Variants in ISM1 observed in about 807,000 individuals in gnomAD.
ISM1 encodes isthmin-1.
ISM1 carries 25 observed loss-of-function variants against 46.3 expected under a neutral mutation model. The observed-to-expected ratio is 0.54, with a 90% CI of 0.39 to 0.75. The LOEUF (loss-of-function observed/expected upper bound fraction) is 0.75. ISM1 is among the 30% of genes least tolerant of loss of function. ISM1 has a pLI of 0.00. For missense variants in ISM1, 536 were observed against 625.4 expected, an observed-to-expected ratio of 0.86 and a Z score of 1.52; for synonymous variants, 255 against 256.7, an observed-to-expected ratio of 0.99 and a Z score of 0.06.
chr20:13,310,741 A>G, the ISM1 span, among the ~76,000 whole-genome samples: 1 of 152,252 alleles, frequency 6.6e-6, no homozygotes. Flanking sequence ...AACTTGATTA[A>G]AAAGTGAGCA....
At chr20:13,295,754 C>T (rs1476500981) in intron 5 of ISM1, among the ~76,000 whole-genome samples, 1 of 152,222 alleles carries the variant, frequency 6.6e-6, no homozygotes, top group Non-Finnish European at 1.5e-5. Context: ...GGAATCCCAG[C>T]AAAAGTTGCC....
intron 1 of ISM1, among the ~76,000 whole-genome samples, chr20:13,229,159 T>C (rs6041965): frequency 0.16 from 23,532 of 151,524 alleles, 2,116 homozygotes; most frequent in East Asian, 0.41. Context: ...TCTTTCTGCA[T>C]TTTTTAAAGT....
At chr20:13,303,429 AG>A (rs2040475030), downstream of ISM1, among the ~76,000 whole-genome samples, 1 of 152,248 alleles carries the variant, frequency 6.6e-6, no homozygotes, top group African/African-American at 2.4e-5. Flanking sequence ...TCTAAAAGAT[AG>A]CCTGATCCAT....
intron 5 of ISM1, among the ~76,000 whole-genome samples, chr20:13,294,283 C>T (rs978158307): frequency 1.3e-5 from 2 of 152,154 alleles, no homozygotes; most frequent in Non-Finnish European, 2.9e-5. Context: ...TTCAGTGTCG[C>T]TAGGGCCTCT....
At chr20:13,286,970 C>A (rs1028707107) in intron 3 of ISM1, among the ~76,000 whole-genome samples, 1 of 152,226 alleles carries the variant, frequency 6.6e-6, no homozygotes, top group Non-Finnish European at 1.5e-5. Flanking sequence ...TGTCACAGAG[C>A]AGAGGTACTG....
the ISM1 span, among the ~76,000 whole-genome samples, chr20:13,311,262 TA>T: frequency 1.1e-4 from 14 of 122,820 alleles, no homozygotes; most frequent in African/African-American, 3.9e-4. Context: ...GATAGATAGA[TA>T]GATAGATAGA....
intron 1 of ISM1, among the ~76,000 whole-genome samples, chr20:13,233,455 C>T (rs959752119): frequency 6.6e-6 from 1 of 151,888 alleles, no homozygotes; most frequent in African/African-American, 2.4e-5. Context: ...ATTAGCCGGG[C>T]GTGGTGGTGC....
At chr20:13,291,039 T>C (rs1000750058) in intron 4 of ISM1, among the ~76,000 whole-genome samples, 3 of 152,220 alleles carry the variant, frequency 2.0e-5, no homozygotes, top group African/African-American at 4.8e-5. Context: ...AAGTCAAGGT[T>C]TGGGGGCTTT....
intron 2 of ISM1, among the ~76,000 whole-genome samples, chr20:13,278,631 C>T (rs1229619352): frequency 6.6e-6 from 1 of 152,188 alleles, no homozygotes; most frequent in African/African-American, 2.4e-5. Flanking sequence ...CTCTGTGCAC[C>T]AGTTTTCCTT....
rs1344669060 is a variant in ISM1 at position 13,299,522 on chromosome 20, C to A, written c.*63C>A. On this transcript the variant is annotated 3_prime_UTR_variant, in exon 6 of 6. Coordinates refer to ENST00000262487, the MANE Select transcript of ISM1 (RefSeq NM_080826.2). This position sits in a 1 kb window ranked among gnomAD's most constrained non-coding sequence, Gnocchi z 5.8. Reference sequence around the variant, plus strand: ...CTGGAGCACACACGTGCTGCACTGACGTGCCGACTGGCGCCGAGACCTTCA... The same window carrying A: ...CTGGAGCACACACGTGCTGCACTGAAGTGCCGACTGGCGCCGAGACCTTCA... 6.8e-7 allele frequency: 1 copy of A among 1,468,424 alleles called. No individual in the cohort carries two copies. The highest frequency in any genetic ancestry group is 9.2e-7 in the Non-Finnish European group (1 of 1,089,690). The allele number at this position is 1,468,424 out of a possible 1,614,324, so 91.0% of individuals were successfully genotyped here.
chr20:13,234,639 T>C (rs1242292933), intron 1 of ISM1, among the ~76,000 whole-genome samples: 1 of 152,238 alleles, frequency 6.6e-6, no homozygotes, highest in Non-Finnish European at 1.5e-5. Flanking sequence ...TTTTTAACAA[T>C]AGCTATTCTG....
chr20:13,228,466 A>C lies in ISM1; in HGVS notation c.138+6552A>C, dbSNP rs1253310923. On this transcript the variant is annotated intron_variant, in intron 1 of 5. Coordinates refer to ENST00000262487, the MANE Select transcript of ISM1 (RefSeq NM_080826.2). ...CTTCTATCTTATTTCCCCCCTAAGAATTTTAAGAATAGAATTTAATTTTTG... is the reference window on the plus strand; with the variant it reads ...CTTCTATCTTATTTCCCCCCTAAGACTTTTAAGAATAGAATTTAATTTTTG... Among the ~76,000 whole-genome samples, 5 of 152,256 alleles carry C rather than the reference A, an allele frequency of 3.3e-5. No individual in the cohort carries two copies. In the East Asian group the frequency reaches 7.7e-4, roughly 23 times the overall value.
chr20:13,276,848 T>C (rs950458614), intron 2 of ISM1, among the ~76,000 whole-genome samples: 2 of 152,236 alleles, frequency 1.3e-5, no homozygotes, highest in Admixed American at 1.3e-4. Flanking sequence ...GTCTTTTTAA[T>C]TGGATGCCTA....
the ISM1 span, among the ~76,000 whole-genome samples, chr20:13,307,583 G>A: frequency 7.2e-5 from 11 of 152,030 alleles, no homozygotes; most frequent in South Asian, 8.3e-4. Context: ...CCATGCCCCC[G>A]TCCAGTAACG....
chr20:13,315,280 A>G, the ISM1 span, among the ~76,000 whole-genome samples: 5 of 152,054 alleles, frequency 3.3e-5, no homozygotes, highest in African/African-American at 9.6e-5. Flanking sequence ...AACAAGACTC[A>G]ACTATATGCT....
the ISM1 span, among the ~76,000 whole-genome samples, chr20:13,311,232 AGATAGATAGAT>A: frequency 8.7e-6 from 1 of 115,486 alleles, no homozygotes; most frequent in African/African-American, 3.3e-5. Flanking sequence ...ATAGATAGAT[AGATAGATAGAT>A]GATAGATAGA....
At chr20:13,260,805 C>T (rs7273841) in intron 1 of ISM1, among the ~76,000 whole-genome samples, 3,444 of 152,246 alleles carry the variant, frequency 0.023, 64 homozygotes, top group Non-Finnish European at 0.036. Context: ...ACACTGGGTT[C>T]ACTAGCTTAA....
chr20:13,323,123 C>T, the ISM1 span, among the ~76,000 whole-genome samples: 2 of 152,050 alleles, frequency 1.3e-5, no homozygotes, highest in Non-Finnish European at 2.9e-5. Flanking sequence ...GCAATCAGAC[C>T]ACAACATGGA....
chr20:13,276,856 C>T (rs987391209), intron 2 of ISM1, among the ~76,000 whole-genome samples: 2 of 152,178 alleles, frequency 1.3e-5, no homozygotes, highest in Non-Finnish European at 2.9e-5. Context: ...AATTGGATGC[C>T]TATGAAACCT....
Sources: gnomAD v4.1 joint callset for allele counts (sites outside exome capture counted in the v4.1 genomes callset) on GRCh38, gnomAD v4.1.1 for gene constraint, Gnocchi (gnomAD v3.1) non-coding constraint, MANE v1.5 for transcripts, NCBI Gene and HGNC (gene_info 2026-07-23, HGNC 2026-07-21) for gene names.